EIF4B: variants seen among roughly 807,000 people sequenced by gnomAD.
The protein encoded by EIF4B is eukaryotic translation initiation factor 4B.
A neutral mutation model predicts 79.3 loss-of-function variants in EIF4B; 8 were observed. The ratio of observed to expected loss-of-function variants is 0.10; its 90% CI spans 0.06 to 0.18. The LOEUF (loss-of-function observed/expected upper bound fraction) is 0.18, where lower values mean the gene tolerates loss of function less well. Ranked by LOEUF, EIF4B falls within the 10% of genes least tolerant of loss-of-function variation. The probability of loss-of-function intolerance (pLI) is 1.00; values close to 1 mark genes in which losing one functional copy is unlikely to be tolerated. For missense variants in EIF4B, 515 were observed against 792.4 expected (o/e 0.65, Z 4.20); for synonymous variants, 238 against 274.7 (o/e 0.87, Z 1.32).
chr12:53,009,064 T>C (rs1943018691), intron 1 of EIF4B, among the ~76,000 whole-genome samples: 2 of 152,192 alleles, frequency 1.3e-5, no homozygotes, highest in Admixed American at 1.3e-4. Context: ...ACGAAGTTTT[T>C]CATTTTTCTT....
intron 8 of EIF4B, among the ~76,000 whole-genome samples, chr12:53,028,820 A>G (rs10783557): frequency 0.8 from 121,524 of 151,986 alleles, 50,880 homozygotes; most frequent in Non-Finnish European, 0.93. Context: ...AATTGGTACT[A>G]TGGGGTTAAA....
intron 6 of EIF4B, among the ~76,000 whole-genome samples, chr12:53,023,000 AAAAAG>A (rs999782261): frequency 3.9e-5 from 6 of 152,076 alleles, no homozygotes; most frequent in African/African-American, 1.4e-4. Context: ...CCTGTCTACC[AAAAAG>A]AAAAAGAAAA....
At chr12:53,021,693 T>A (rs1332651371) in intron 4 of EIF4B, 113 bp from the exon 5 acceptor site, 1 of 1,237,854 alleles carries the variant, frequency 8.1e-7, no homozygotes, top group Non-Finnish European at 1.2e-6. Context: ...TTACAGTGTT[T>A]TCCTTTATCT....
Position 53,040,169 on chromosome 12 carries a change from T to C in EIF4B, c.1782T>C (p.Ala594=). ...ASKFSSASKY[A]ALSVDGEDEN... ...AGTTCAGTTCTGCAAGCAAGTATGC[T>C]GCTCTCTCTGTTGATGGTGAAGATG... Residue 594 remains alanine (A), a synonymous_variant, in exon 15 of 15, where the codon GCT becomes GCC. Coordinates refer to ENST00000262056, the MANE Select transcript of EIF4B (RefSeq NM_001417.7). 6.2e-7 allele frequency: 1 copy of C among 1,614,228 alleles called. No homozygotes were observed. The highest frequency in any genetic ancestry group is 8.5e-7 in the Non-Finnish European group (1 of 1,180,028).
chr12:53,016,535 G>A lies in EIF4B; in HGVS notation c.76G>A (p.Gly26Ser). 1 of 1,613,572 alleles carries A rather than the reference G, an allele frequency of 6.2e-7. No homozygotes were observed. The highest frequency in any genetic ancestry group is 8.5e-7 in the Non-Finnish European group (1 of 1,179,906). ...AACAGACTTTCTGGCTGAGGATGGG[G>A]GTACTGGTGGAGGAAGCACCTATGT... ...SLTDFLAEDG[G>S]TGGGSTYVSK... Residue 26 changes from glycine (G) to serine (S), a missense_variant, in exon 2 of 15, where the codon GGT becomes AGT. Physicochemically the swap from Gly to Ser is moderately conservative, Grantham distance 56. Transcript: ENST00000262056.
At chr12:53,022,911 C>T (rs1943270548) in intron 6 of EIF4B, among the ~76,000 whole-genome samples, 1 of 152,098 alleles carries the variant, frequency 6.6e-6, no homozygotes, top group Admixed American at 6.6e-5. Context: ...TGGCTATAAT[C>T]CCAACGCTTT....
intron 4 of EIF4B, among the ~76,000 whole-genome samples, chr12:53,021,514 A>G (rs1385097229): frequency 6.6e-6 from 1 of 152,258 alleles, no homozygotes; most frequent in African/African-American, 2.4e-5. Flanking sequence ...TTTTTAATTT[A>G]CTACACTTGA....
At chr12:53,016,693 A>C (rs984223644) in intron 2 of EIF4B, 83 bp downstream of exon 2, 3 of 1,487,508 alleles carry the variant, frequency 2.0e-6, no homozygotes, top group Non-Finnish European at 1.8e-6. Context: ...CATCGTTTGT[A>C]ATCTGAAAAG....
At chr12:53,025,273 C>T in intron 6 of EIF4B, 1 of 455,228 alleles carries the variant, frequency 2.2e-6, no homozygotes, top group South Asian at 1.6e-5. Flanking sequence ...GACCAAGGGT[C>T]CTGTTTTGAG....
chr12:53,008,018 G>A (rs551948567), intron 1 of EIF4B, among the ~76,000 whole-genome samples: 2 of 152,298 alleles, frequency 1.3e-5, no homozygotes, highest in South Asian at 2.1e-4. Context: ...GACGCTGCCC[G>A]AAAGCATCTG....
rs1943212470 is a variant in EIF4B, at chr12:53,019,479, CAG to C, written c.361-428_361-427del. 1.8e-4 allele frequency among the ~76,000 whole-genome samples: 5 copies of C among 27,976 alleles called. No homozygotes were observed. The South Asian group carries it at 4.0e-3, about 22-fold the overall frequency. 18.4% of individuals were successfully genotyped at this position (27,976 alleles called of 152,430 possible). The stretch of plus-strand genomic sequence containing the variant: ...TTTTTTTTTTTTTTTTTTTTTGAGA[CAG>C]AGTCTCATTCTGTCATCCAGGCTGG... On this transcript the variant is annotated intron_variant, in intron 3 of 14. Coordinates refer to ENST00000262056, the MANE Select transcript of EIF4B (RefSeq NM_001417.7).
At chr12:53,026,636 C>CT (rs1943339228) in intron 6 of EIF4B, among the ~76,000 whole-genome samples, 1 of 152,202 alleles carries the variant, frequency 6.6e-6, no homozygotes, top group African/African-American at 2.4e-5. Context: ...AAGTCTCACT[C>CT]TGTCACCCAG....
chr12:53,031,763 A>G lies in EIF4B; in HGVS notation c.980-2043A>G, dbSNP rs115646132. On this transcript the variant is annotated intron_variant, in intron 8 of 14. Coordinates refer to ENST00000262056, the MANE Select transcript of EIF4B (RefSeq NM_001417.7). ...CCCTCTATCTACAGGTACTATGTGC[A>G]TATGTAGTAAAAGTATAAAATCAAG... Among the ~76,000 whole-genome samples, 754 of 152,348 alleles carry G rather than the reference A, an allele frequency of 4.9e-3. 7 individuals are homozygous for G. The highest frequency in any genetic ancestry group is 0.017 in the African/African-American group (720 of 41,586).
chr12:53,034,125 G>C, intron 9 of EIF4B, 91 bp downstream of exon 9: 2 of 1,309,786 alleles, frequency 1.5e-6, no homozygotes, highest in Non-Finnish European at 2.1e-6. Context: ...AATTTGTGTC[G>C]TTATCACATT....
chr12:53,027,137 A>ATTTTTTTTT (rs71095967), intron 6 of EIF4B, among the ~76,000 whole-genome samples: 1 of 25,744 alleles, frequency 3.9e-5, no homozygotes, highest in African/African-American at 8.2e-5. Context: ...AAAAAAAAAA[A>ATTTTTTTTT]TTTTTTTTTT....
intron 8 of EIF4B, among the ~76,000 whole-genome samples, chr12:53,030,699 T>G (rs1370310764): frequency 6.6e-6 from 1 of 151,980 alleles, no homozygotes; most frequent in African/African-American, 2.4e-5. Flanking sequence ...CGTGGGCCAC[T>G]GCGCCCAGTG....
At chr12:53,019,437 A>ATATTTTTTTTTTCTTTTTTTTT (rs1943205076) in intron 3 of EIF4B, among the ~76,000 whole-genome samples, 1 of 51,022 alleles carries the variant, frequency 2.0e-5, no homozygotes, top group Non-Finnish European at 3.7e-5. Flanking sequence ...ATATATATAT[A>ATATTTTTTTTTTCTTTTTTTTT]TTTTTTTTTT....
chr12:53,019,927 A>G lies in EIF4B; in HGVS notation c.378A>G (p.Leu126=), dbSNP rs769606260. 3 of 1,610,922 alleles carry G rather than the reference A, an allele frequency of 1.9e-6. No homozygotes were observed. The highest frequency in any genetic ancestry group is 2.5e-6 in the Non-Finnish European group (3 of 1,179,066). ...FRGLNISAVR[L]PREPSNPERL... ...TCCTTCAGATCAGTGCAGTGCGTTT[A>G]CCACGTGAACCCAGCAATCCAGAGA... Residue 126 remains leucine (L), a synonymous_variant, in exon 4 of 15, where the codon TTA becomes TTG. Coordinates refer to ENST00000262056, the MANE Select transcript of EIF4B (RefSeq NM_001417.7).
Position 53,027,815 on chromosome 12 carries a change from G to A in EIF4B, c.701G>A (p.Arg234Gln). The part of the protein sequence containing the change: ...YRDRYDSDRY[R>Q]DGYRDGYRDG... ...GATCGTTATGATTCAGACCGGTATC[G>A]GGATGGGTATCGGGATGGGTATCGG... Residue 234 changes from arginine (R) to glutamine (Q), a missense_variant, in exon 7 of 15, where the codon CGG becomes CAG. Coordinates refer to ENST00000262056, the MANE Select transcript of EIF4B (RefSeq NM_001417.7). 1.2e-6 allele frequency: 2 copies of A among 1,608,890 alleles called. No homozygotes were observed. The highest frequency in any genetic ancestry group is 1.3e-5 in the African/African-American group (1 of 74,766).
Sources: gnomAD v4.1 joint callset for allele counts (sites outside exome capture counted in the v4.1 genomes callset) on GRCh38, gnomAD v4.1.1 for gene constraint, MANE v1.5 for transcripts, NCBI Gene and HGNC (gene_info 2026-07-23, HGNC 2026-07-21) for gene names.